The following CTNNBL1 variants were observed in gnomAD, a reference collection of about 807,000 sequenced individuals.
The protein encoded by CTNNBL1 is beta-catenin-like protein 1.
CTNNBL1 carries 31 observed loss-of-function variants against 72.7 expected under a neutral mutation model. The observed-to-expected ratio is 0.43, with a 90% CI of 0.32 to 0.58. CTNNBL1 has a LOEUF of 0.58. CTNNBL1 is among the 20% of genes least tolerant of loss of function. CTNNBL1 has a pLI of 0.08. For missense variants in CTNNBL1, 534 were observed against 725.1 expected, an observed-to-expected ratio of 0.74 and a Z score of 3.03; for synonymous variants, 240 against 267.3, an observed-to-expected ratio of 0.90 and a Z score of 1.00.
At chr20:37,811,863 G>A (rs1311710727) in intron 11 of CTNNBL1, among the ~76,000 whole-genome samples, 2 of 152,204 alleles carry the variant, frequency 1.3e-5, no homozygotes, top group African/African-American at 2.4e-5. Flanking sequence ...TATGAATTAG[G>A]CATTTCTGTC....
In CTNNBL1 at chr20:37,696,593, G is replaced by A. The variant is rs1212582243; in HGVS notation, c.30+2441G>A. Among the ~76,000 whole-genome samples, 7 of 111,888 alleles carry A rather than the reference G, an allele frequency of 6.3e-5. No homozygotes were observed. The East Asian group carries it at 1.1e-3, about 17-fold the overall frequency. 73.4% of individuals were successfully genotyped at this position (111,888 alleles called of 152,430 possible). A position where few individuals can be genotyped will look rare whatever the true frequency, so the allele number is the denominator to read the frequency against. On this transcript the variant is annotated intron_variant, in intron 1 of 15. Coordinates refer to ENST00000361383, the MANE Select transcript of CTNNBL1 (RefSeq NM_030877.5). ...TGAGTAGCTGGGATTACGGGCATGCGCCACCACGCCTGGCTAATTTTTGTA... is the reference window on the plus strand; with the variant it reads ...TGAGTAGCTGGGATTACGGGCATGCACCACCACGCCTGGCTAATTTTTGTA...
At chr20:37,765,390 G>A (rs1184437411) in intron 6 of CTNNBL1, 100 bp downstream of exon 6, 1 of 762,806 alleles carries the variant, frequency 1.3e-6, no homozygotes, top group Non-Finnish European at 2.2e-6. Flanking sequence ...TCAATAGCAG[G>A]CTGTTTTCCT....
At chr20:37,787,349 T>TG (rs935206637) in intron 10 of CTNNBL1, among the ~76,000 whole-genome samples, 1 of 147,786 alleles carries the variant, frequency 6.8e-6, no homozygotes, top group East Asian at 2.0e-4. Context: ...GTGTGTTTTT[T>TG]TTTTTTTTTT....
chr20:37,770,237 C>G (rs1342979803), intron 7 of CTNNBL1, among the ~76,000 whole-genome samples: 3 of 152,190 alleles, frequency 2.0e-5, no homozygotes, highest in African/African-American at 7.2e-5. Context: ...CATTTAATTT[C>G]CTTTACATCT....
intron 11 of CTNNBL1, among the ~76,000 whole-genome samples, chr20:37,830,937 C>A (rs1037002225): frequency 1.3e-5 from 2 of 152,048 alleles, no homozygotes; most frequent in African/African-American, 4.8e-5. Flanking sequence ...GCATTTGCAC[C>A]ATCGTAAAGA....
chr20:37,779,452 C>T, intron 10 of CTNNBL1, 117 bp downstream of exon 10: 1 of 1,219,984 alleles, frequency 8.2e-7, no homozygotes, highest in Non-Finnish European at 1.2e-6. Flanking sequence ...AGACTTTACC[C>T]TGAAGAGTAA....
chr20:37,702,778 C>T lies in CTNNBL1; in HGVS notation c.30+8626C>T, dbSNP rs6020326. On this transcript the variant is annotated intron_variant, in intron 1 of 15. Coordinates refer to ENST00000361383, the MANE Select transcript of CTNNBL1 (RefSeq NM_030877.5). ...CTATTTATATGCCTCCTTACACACACTTTTTACTAAACTGTAGACTTAGAG... is the reference window on the plus strand; with the variant it reads ...CTATTTATATGCCTCCTTACACACATTTTTTACTAAACTGTAGACTTAGAG... Among the ~76,000 whole-genome samples, 690 of 152,296 alleles carry T rather than the reference C, an allele frequency of 4.5e-3. 9 individuals carry two copies. The highest frequency in any genetic ancestry group is 0.017 in the East Asian group (89 of 5,192).
intron 2 of CTNNBL1, among the ~76,000 whole-genome samples, chr20:37,734,712 T>A (rs2073157663): frequency 2.0e-5 from 3 of 152,248 alleles, no homozygotes; most frequent in Non-Finnish European, 4.4e-5. Flanking sequence ...CACGTGAACT[T>A]GTAAAATATT....
intron 13 of CTNNBL1, among the ~76,000 whole-genome samples, chr20:37,849,033 C>A (rs1291409120): frequency 6.6e-6 from 1 of 152,222 alleles, no homozygotes; most frequent in African/African-American, 2.4e-5. Flanking sequence ...TAGGCATCAT[C>A]TGTTTACTCC....
chr20:37,831,863 A>G (rs990443363), intron 11 of CTNNBL1, among the ~76,000 whole-genome samples: 23 of 152,210 alleles, frequency 1.5e-4, no homozygotes, highest in Non-Finnish European at 3.1e-4. Flanking sequence ...CTAGAAGGAG[A>G]AGCTAATCTT....
At chr20:37,846,991 A>C (rs1334105178) in intron 13 of CTNNBL1, among the ~76,000 whole-genome samples, 1 of 152,200 alleles carries the variant, frequency 6.6e-6, no homozygotes, top group Admixed American at 6.5e-5. Context: ...CCTCACATTC[A>C]GTAAATGAAA....
chr20:37,720,850 C>T (rs916641232), intron 1 of CTNNBL1, among the ~76,000 whole-genome samples: 2 of 152,234 alleles, frequency 1.3e-5, no homozygotes, highest in African/African-American at 4.8e-5. Flanking sequence ...AGGATCCCTA[C>T]TCTTGAAGAC....
At chr20:37,772,552 A>G (rs190803274) in intron 7 of CTNNBL1, among the ~76,000 whole-genome samples, 32 of 152,120 alleles carry the variant, frequency 2.1e-4, no homozygotes, top group South Asian at 6.2e-4. Flanking sequence ...GTTTCACCGT[A>G]TTAGCCAGGA....
At chr20:37,721,579 ACTTT>A (rs1165943302) in intron 1 of CTNNBL1, among the ~76,000 whole-genome samples, 1 of 152,162 alleles carries the variant, frequency 6.6e-6, no homozygotes, top group Non-Finnish European at 1.5e-5. Context: ...TTCAGATCTT[ACTTT>A]AAGAAATAAA....
At chr20:37,747,722 A>T (rs762515100) in intron 4 of CTNNBL1, among the ~76,000 whole-genome samples, 1 of 152,146 alleles carries the variant, frequency 6.6e-6, no homozygotes, top group Non-Finnish European at 1.5e-5. Flanking sequence ...CTACAGGTGC[A>T]TACCACCATG....
chr20:37,759,238 G>A (rs2073393366), intron 5 of CTNNBL1, among the ~76,000 whole-genome samples: 1 of 152,138 alleles, frequency 6.6e-6, no homozygotes, highest in Admixed American at 6.5e-5. Flanking sequence ...TGTTTTGAGG[G>A]GCGTCTGAGG....
intron 1 of CTNNBL1, among the ~76,000 whole-genome samples, chr20:37,699,840 C>G (rs2072824986): frequency 6.6e-6 from 1 of 152,176 alleles, no homozygotes; most frequent in Non-Finnish European, 1.5e-5. Flanking sequence ...TTTTCCCCAG[C>G]TGAGACATTC....
At chr20:37,765,361 T>C in intron 6 of CTNNBL1, 71 bp downstream of exon 6, 1 of 1,013,940 alleles carries the variant, frequency 9.9e-7, no homozygotes, top group South Asian at 1.4e-5. Flanking sequence ...CTCATTTCCC[T>C]TCCTTCTTCA....
chr20:37,695,579 A>G (rs920487000), intron 1 of CTNNBL1, among the ~76,000 whole-genome samples: 1 of 152,224 alleles, frequency 6.6e-6, no homozygotes, highest in Non-Finnish European at 1.5e-5. Context: ...AAAACAACAT[A>G]TATAGTTCAG....
Sources: gnomAD v4.1 joint callset for allele counts (sites outside exome capture counted in the v4.1 genomes callset) on GRCh38, gnomAD v4.1.1 for gene constraint, MANE v1.5 for transcripts, NCBI Gene and HGNC (gene_info 2026-07-23, HGNC 2026-07-21) for gene names.